Variants in ABTB2 observed in about 807,000 individuals in gnomAD.
ABTB2 encodes the protein ankyrin repeat and BTB/POZ domain-containing protein 2.
A neutral mutation model predicts 104.1 loss-of-function variants in ABTB2; 56 were observed. The ratio of observed to expected loss-of-function variants is 0.54; its 90% CI spans 0.43 to 0.67. The LOEUF (loss-of-function observed/expected upper bound fraction) is 0.67, where lower values mean the gene tolerates loss of function less well. Ranked by LOEUF, ABTB2 falls within the 30% of genes least tolerant of loss-of-function variation. The pLI is 0.00. For synonymous variants in ABTB2, 606 were observed against 608.2 expected (o/e 1.00, Z 0.05); for missense variants, 1,279 against 1,407.7 (o/e 0.91, Z 1.46).
chr11:34,223,145 A>G (rs987053650), intron 1 of ABTB2, among the ~76,000 whole-genome samples: 1 of 152,128 alleles, frequency 6.6e-6, no homozygotes, highest in African/African-American at 2.4e-5. Context: ...ACAAGCGGAG[A>G]GTGAGTTTAC....
At chr11:34,220,932 G>A (rs1452619806) in intron 1 of ABTB2, among the ~76,000 whole-genome samples, 3 of 151,470 alleles carry the variant, frequency 2.0e-5, no homozygotes, top group Non-Finnish European at 2.9e-5. Flanking sequence ...CTCTGTCTAC[G>A]TCTTCACATG....
intron 1 of ABTB2, among the ~76,000 whole-genome samples, chr11:34,279,396 C>T (rs540976410): frequency 3.3e-5 from 5 of 152,124 alleles, no homozygotes; most frequent in Admixed American, 1.3e-4. Flanking sequence ...CTGCCATGCC[C>T]GGTCTGTTCT....
intron 1 of ABTB2, among the ~76,000 whole-genome samples, chr11:34,293,265 C>CA (rs1854584120): frequency 6.6e-6 from 1 of 152,078 alleles, no homozygotes; most frequent in African/African-American, 2.4e-5. Flanking sequence ...GAGACTAGGA[C>CA]TGCAGTTCTG....
chr11:34,223,141 G>A (rs1460573895), intron 1 of ABTB2, among the ~76,000 whole-genome samples: 1 of 152,144 alleles, frequency 6.6e-6, no homozygotes, highest in Non-Finnish European at 1.5e-5. Context: ...ATGGACAAGC[G>A]GAGAGTGAGT....
intron 1 of ABTB2, among the ~76,000 whole-genome samples, chr11:34,229,787 G>A (rs149010382): frequency 6.6e-6 from 1 of 152,312 alleles, no homozygotes; most frequent in Non-Finnish European, 1.5e-5. Flanking sequence ...ATCACTTAGA[G>A]AGAAGTATTG....
chr11:34,208,263 G>A (rs1357611753), intron 1 of ABTB2, among the ~76,000 whole-genome samples: 1 of 152,212 alleles, frequency 6.6e-6, no homozygotes, highest in Non-Finnish European at 1.5e-5. Context: ...AAAAAGGAAA[G>A]GACATATCTA....
At chr11:34,318,690 G>A (rs1283694325) in intron 1 of ABTB2, among the ~76,000 whole-genome samples, 4 of 152,228 alleles carry the variant, frequency 2.6e-5, no homozygotes, top group Non-Finnish European at 4.4e-5. Context: ...CAGCCAGTAA[G>A]TACAGAGTCC....
At chr11:34,291,262 C>T (rs150243932) in intron 1 of ABTB2, among the ~76,000 whole-genome samples, 18 of 152,202 alleles carry the variant, frequency 1.2e-4, no homozygotes, top group African/African-American at 4.3e-4. Flanking sequence ...ATGTCTTCAT[C>T]CCAAGTGGAC....
chr11:34,324,927 GA>G (rs1317619837), intron 1 of ABTB2, among the ~76,000 whole-genome samples: 13 of 152,214 alleles, frequency 8.5e-5, no homozygotes, highest in African/African-American at 3.1e-4. Context: ...GTCCACATCT[GA>G]AAAGTGCACT....
At chr11:34,200,735 G>T (rs746490072) in intron 2 of ABTB2, among the ~76,000 whole-genome samples, 2 of 152,186 alleles carry the variant, frequency 1.3e-5, no homozygotes, top group Admixed American at 6.5e-5. Context: ...AAGCAAGCTT[G>T]CAAGAGTTAA....
At chr11:34,186,919 C>T (rs971215229) in intron 3 of ABTB2, among the ~76,000 whole-genome samples, 5 of 152,198 alleles carry the variant, frequency 3.3e-5, no homozygotes, top group African/African-American at 4.8e-5. Context: ...TCCCCGGCTC[C>T]GGGGTCTCAC....
In ABTB2 at chr11:34,164,781, G is replaced by A. The variant is rs114052326; in HGVS notation, c.1893C>T (p.Ala631=). ...CCTCCAGCATGCTGAGGAGGGGGTC[G>A]GCGCCTCGGCTCAGCAACAAACTGA... ...ELVSLLLSRG[A]DPLLSMLEAH... is the part of the protein sequence containing the mutation. The change falls in exon 9 of 17, where the codon GCC becomes GCT. Residue 631 remains alanine (A), a synonymous_variant. Coordinates refer to ENST00000435224, the MANE Select transcript of ABTB2 (RefSeq NM_145804.3). The A allele has an allele frequency of 1.4e-5, 22 of 1,573,720 alleles. No homozygotes were observed. The highest frequency in any genetic ancestry group is 2.4e-5 in the East Asian group (1 of 41,564).
intron 1 of ABTB2, among the ~76,000 whole-genome samples, chr11:34,334,329 T>A (rs990148375): frequency 4.6e-5 from 7 of 152,184 alleles, no homozygotes; most frequent in Admixed American, 3.9e-4. Context: ...CTGTTCTGTG[T>A]TCTCCATGTG....
chr11:34,182,327 C>T (rs1853037472), intron 3 of ABTB2, among the ~76,000 whole-genome samples: 1 of 152,170 alleles, frequency 6.6e-6, no homozygotes. Flanking sequence ...GCTGGGTAAA[C>T]CAGAATGGTT....
At chr11:34,345,587 A>G (rs1020796629) in intron 1 of ABTB2, among the ~76,000 whole-genome samples, 2 of 151,904 alleles carry the variant, frequency 1.3e-5, no homozygotes, top group Non-Finnish European at 2.9e-5. Context: ...AGAAAACACT[A>G]CTTAGAATAC....
At chr11:34,303,862 C>T (rs758284913) in intron 1 of ABTB2, among the ~76,000 whole-genome samples, 4 of 151,946 alleles carry the variant, frequency 2.6e-5, no homozygotes, top group South Asian at 2.1e-4. Flanking sequence ...AGGCTGGTCT[C>T]GAACTTCTGA....
intron 1 of ABTB2, among the ~76,000 whole-genome samples, chr11:34,262,827 G>A (rs1854204292): frequency 6.6e-6 from 1 of 152,178 alleles, no homozygotes; most frequent in Non-Finnish European, 1.5e-5. Flanking sequence ...ATTGTCACCT[G>A]CAAACCCTCA....
At chr11:34,266,787 C>T (rs1854256573) in intron 1 of ABTB2, among the ~76,000 whole-genome samples, 2 of 152,108 alleles carry the variant, frequency 1.3e-5, no homozygotes, top group Admixed American at 6.5e-5. Flanking sequence ...ACCCCCTGTG[C>T]CCTCTGTAGA....
rs78626452 is a variant in ABTB2 at position 34,263,346 on chromosome 11, C to T, written c.884-58656G>A. On this transcript the variant is annotated intron_variant, in intron 1 of 16. Coordinates refer to ENST00000435224, the MANE Select transcript of ABTB2 (RefSeq NM_145804.3). The stretch of plus-strand genomic sequence containing the variant: ...AAAGGCTCTGTGGGGGAAATAAAAT[C>T]GGCTTTTTATTGCAACAAAAGCAAC... 5.9e-5 allele frequency among the ~76,000 whole-genome samples: 9 copies of T among 152,214 alleles called. No homozygotes were observed. The East Asian group carries it at 1.2e-3, about 20-fold the overall frequency.
Sources: gnomAD v4.1 joint callset for allele counts (sites outside exome capture counted in the v4.1 genomes callset) on GRCh38, gnomAD v4.1.1 for gene constraint, MANE v1.5 for transcripts, NCBI Gene and HGNC (gene_info 2026-07-23, HGNC 2026-07-21) for gene names.